The following PRH1 variants were observed in gnomAD, a reference collection of about 807,000 sequenced individuals.
PRH1 encodes salivary acidic proline-rich phosphoprotein 1/2.
A neutral mutation model predicts 7.9 loss-of-function variants in PRH1; 7 were observed. That is an observed-to-expected ratio of 0.89 (90% CI 0.50 to 1.67). The LOEUF (loss-of-function observed/expected upper bound fraction) is 1.67, where lower values mean the gene tolerates loss of function less well. PRH1 is among the 40% of genes most tolerant of loss of function. The probability of loss-of-function intolerance (pLI) is 0.00; values close to 1 mark genes in which losing one functional copy is unlikely to be tolerated. For synonymous variants in PRH1, 45 were observed against 80.8 expected, an observed-to-expected ratio of 0.56 and a Z score of 2.38; for missense variants, 109 against 223.6, an observed-to-expected ratio of 0.49 and a Z score of 3.27.
At chr12:11,028,446 C>T (rs1447524623) in intron 1 of PRH1, among the ~76,000 whole-genome samples, 1 of 152,180 alleles carries the variant, frequency 6.6e-6, no homozygotes, top group Non-Finnish European at 1.5e-5. Flanking sequence ...GACATCACCA[C>T]ACATTGTTTC....
chr12:11,032,278 T>A (rs1942258473), intron 1 of PRH1, among the ~76,000 whole-genome samples: 2 of 152,194 alleles, frequency 1.3e-5, no homozygotes, highest in African/African-American at 4.8e-5. Flanking sequence ...TATCATATAG[T>A]AAATATCTAA....
At chr12:11,144,962 G>A (rs1457385773) in intron 1 of PRH1, among the ~76,000 whole-genome samples, 4 of 152,198 alleles carry the variant, frequency 2.6e-5, no homozygotes, top group African/African-American at 9.6e-5. Context: ...GGGTCCTGCA[G>A]GAGCACTCTG....
In PRH1 at chr12:11,168,275, AG is replaced by A. The variant is rs757508239; in HGVS notation, n.39+3146del. ...AAGAAAGAAAGAAAGAAAGAAAGAAAGAAAGAAAGAAAGAAAGAAAGAAAGA... is the reference window on the plus strand; with the variant it reads ...AAGAAAGAAAGAAAGAAAGAAAGAAAAAAGAAAGAAAGAAAGAAAGAAAGA... On this transcript the variant is annotated intron_variant and non_coding_transcript_variant, in intron 1 of 1. Coordinates refer to the PRH1 transcript ENST00000541175. 2.6e-3 allele frequency among the ~76,000 whole-genome samples: 83 copies of A among 32,538 alleles called. 24 individuals carry two copies. In the East Asian group the frequency reaches 0.046, roughly 18 times the overall value. The allele number at this position is 32,538 out of a possible 152,430, so 21.3% of individuals were successfully genotyped here.
chr12:11,018,164 C>T (rs1486623649), intron 1 of PRH1, among the ~76,000 whole-genome samples: 1 of 152,092 alleles, frequency 6.6e-6, no homozygotes. Context: ...TGCCTGTCTC[C>T]ATCAAGCCCG....
At chr12:10,962,864 G>T (rs534417554) in intron 2 of PRH1, among the ~76,000 whole-genome samples, 2 of 152,276 alleles carry the variant, frequency 1.3e-5, no homozygotes, top group South Asian at 4.1e-4. Context: ...CCGCCTCCTG[G>T]GTTCATGCCA....
chr12:11,029,460 G>A (rs1942078180), intron 1 of PRH1, among the ~76,000 whole-genome samples: 1 of 152,196 alleles, frequency 6.6e-6, no homozygotes, highest in Non-Finnish European at 1.5e-5. Context: ...GAGGATTTGA[G>A]TTCTCTTATC....
At chr12:10,915,310 T>C (rs953889616) in intron 2 of PRH1, among the ~76,000 whole-genome samples, 24 of 152,214 alleles carry the variant, frequency 1.6e-4, no homozygotes, top group African/African-American at 5.8e-4. Flanking sequence ...ATTAAATATC[T>C]GGTTTCCTGA....
chr12:10,934,885 T>C (rs1044664689), intron 2 of PRH1, among the ~76,000 whole-genome samples: 1 of 152,194 alleles, frequency 6.6e-6, no homozygotes, highest in African/African-American at 2.4e-5. Context: ...CTTCACAATT[T>C]GCTTATTAAT....
At chr12:11,128,504 G>A (rs546470108) in intron 1 of PRH1, among the ~76,000 whole-genome samples, 69 of 152,228 alleles carry the variant, frequency 4.5e-4, no homozygotes, top group Non-Finnish European at 7.5e-4. Flanking sequence ...CAGCACTTTG[G>A]GAGGCCAAGG....
intron 1 of PRH1, chr12:11,062,166 A>C: frequency 1.2e-6 from 2 of 1,613,714 alleles, no homozygotes; most frequent in Non-Finnish European, 1.7e-6. Flanking sequence ...TTTGGTCAGC[A>C]AAAGAGATCT....
At chr12:11,029,959 A>T (rs1228104442) in intron 1 of PRH1, among the ~76,000 whole-genome samples, 1 of 152,232 alleles carries the variant, frequency 6.6e-6, no homozygotes, top group African/African-American at 2.4e-5. Flanking sequence ...TCAAGCAATG[A>T]ATTCTAAGCA....
intron 3 of PRH1, among the ~76,000 whole-genome samples, chr12:10,881,763 AC>A (rs1565446971): frequency 6.6e-6 from 1 of 152,314 alleles, no homozygotes; most frequent in East Asian, 1.9e-4. Flanking sequence ...AGCATGTATG[AC>A]TTTAAATGTA....
chr12:10,963,401 T>C (rs866370900), intron 2 of PRH1, among the ~76,000 whole-genome samples: 16 of 152,218 alleles, frequency 1.1e-4, no homozygotes, highest in African/African-American at 3.9e-4. Flanking sequence ...AAAGTATAAT[T>C]CAAATGATTT....
At chr12:11,010,275 A>G (rs1023315270) in intron 1 of PRH1, among the ~76,000 whole-genome samples, 7 of 152,000 alleles carry the variant, frequency 4.6e-5, no homozygotes, top group African/African-American at 1.7e-4. Flanking sequence ...TGAAAAATAA[A>G]TCATTTAATG....
chr12:11,025,722 C>T (rs1178915229), intron 1 of PRH1, among the ~76,000 whole-genome samples: 1 of 152,382 alleles, frequency 6.6e-6, no homozygotes, highest in East Asian at 1.9e-4. Context: ...GTATTTCCAT[C>T]TCTTCCCTTC....
intron 1 of PRH1, among the ~76,000 whole-genome samples, chr12:11,007,754 C>G (rs887550652): frequency 2.0e-5 from 3 of 152,062 alleles, no homozygotes; most frequent in African/African-American, 7.2e-5. Context: ...CATCCCCACA[C>G]TAGTACACCA....
intron 1 of PRH1, chr12:11,171,296 G>A: frequency 1.8e-6 from 2 of 1,106,816 alleles, no homozygotes; most frequent in Non-Finnish European, 2.3e-6. Context: ...GTCGCTAGGA[G>A]GTCCGCGGGC....
At chr12:10,900,464 T>C (rs1949707358) in intron 2 of PRH1, among the ~76,000 whole-genome samples, 1 of 152,184 alleles carries the variant, frequency 6.6e-6, no homozygotes, top group East Asian at 1.9e-4. Flanking sequence ...GGGCCAGATA[T>C]TGGAGCACCT....
At chr12:11,159,273 G>A (rs1237272001) in intron 1 of PRH1, 5 of 151,414 alleles carry the variant, frequency 3.3e-5, no homozygotes, top group African/African-American at 9.7e-5. Context: ...GTAAACAAAC[G>A]ATAAGAACAA....
Sources: allele counts gnomAD v4.1 joint callset (sites outside exome capture counted in the v4.1 genomes callset), GRCh38; gene constraint gnomAD v4.1.1; transcripts MANE v1.5; gene names NCBI Gene and HGNC (gene_info 2026-07-23, HGNC 2026-07-21).